The following HOMER2 variants were observed in gnomAD, a reference collection of about 807,000 sequenced individuals.
The protein encoded by HOMER2 is homer protein homolog 2.
HOMER2 carries 27 observed loss-of-function variants against 47.0 expected under a neutral mutation model. The observed-to-expected ratio is 0.57, with a 90% CI of 0.42 to 0.79. The LOEUF is 0.79. Among genes scored for constraint, HOMER2 ranks in the 30% least tolerant of loss-of-function variants. The pLI is 0.00. For missense variants in HOMER2, 443 were observed against 435.0 expected (o/e 1.02, Z -0.16); for synonymous variants, 161 against 163.8 (o/e 0.98, Z 0.13).
intron 1 of HOMER2, among the ~76,000 whole-genome samples, chr15:82,940,872 A>G (rs976738452): frequency 6.6e-6 from 1 of 151,722 alleles, no homozygotes; most frequent in African/African-American, 2.4e-5. Flanking sequence ...GTACTCCCTG[A>G]GTGACAGAGC....
At chr15:82,910,178 A>G (rs971565948) in intron 1 of HOMER2, among the ~76,000 whole-genome samples, 1 of 148,070 alleles carries the variant, frequency 6.8e-6, no homozygotes, top group Non-Finnish European at 1.5e-5. Flanking sequence ...TTGTTTCCCT[A>G]CCTTTACTGA....
Position 82,952,516 on chromosome 15 carries a change from C to G in HOMER2, c.5+15G>C. The G allele has an allele frequency of 8.4e-7, 1 of 1,189,080 alleles. No homozygotes were observed. The highest frequency in any genetic ancestry group is 1.0e-6 in the Non-Finnish European group (1 of 959,896). 73.7% of individuals were successfully genotyped at this position (1,189,080 alleles called of 1,614,324 possible). On this transcript the variant is annotated intron_variant, in intron 1 of 8. Transcript: ENST00000450735. Reference sequence around the variant, plus strand: ...GGAGGGGCGCGCGGAGAGCGCGCGGCGCGGGCTCACTCACCCCATCTCCGG... The same window carrying G: ...GGAGGGGCGCGCGGAGAGCGCGCGGGGCGGGCTCACTCACCCCATCTCCGG...
intron 2 of HOMER2, among the ~76,000 whole-genome samples, chr15:82,879,865 C>T (rs2052466892): frequency 1.3e-5 from 2 of 152,056 alleles, no homozygotes; most frequent in African/African-American, 4.8e-5. Context: ...ATGTCCACTA[C>T]CAACAGAATG....
chr15:82,862,665 A>G (rs2051831418), intron 4 of HOMER2, among the ~76,000 whole-genome samples: 1 of 152,220 alleles, frequency 6.6e-6, no homozygotes, highest in African/African-American at 2.4e-5. Flanking sequence ...TCACTGAATC[A>G]TATTAAAGAT....
At chr15:82,867,995 GCCTC>G (rs1005068552) in intron 3 of HOMER2, among the ~76,000 whole-genome samples, 5 of 151,870 alleles carry the variant, frequency 3.3e-5, no homozygotes, top group African/African-American at 9.7e-5. Context: ...GTGAAAAATC[GCCTC>G]CCTCCAAGTC....
intron 3 of HOMER2, among the ~76,000 whole-genome samples, chr15:82,868,520 A>ATT (rs1274711731): frequency 0.012 from 250 of 21,108 alleles, 2 homozygotes; most frequent in Middle Eastern, 0.018. Flanking sequence ...TCACTTATTT[A>ATT]TTTTATATAT....
chr15:82,980,577 C>T (rs974733513), intron 1 of HOMER2, among the ~76,000 whole-genome samples: 6 of 152,052 alleles, frequency 3.9e-5, no homozygotes, highest in Non-Finnish European at 8.8e-5. Context: ...CTTTGTTTTT[C>T]GGAGCCTCTC....
intron 2 of HOMER2, among the ~76,000 whole-genome samples, chr15:82,879,029 C>A (rs1454310911): frequency 6.6e-6 from 1 of 152,232 alleles, no homozygotes; most frequent in Admixed American, 6.5e-5. Context: ...GGTCACTAAT[C>A]CTGGCCACTG....
rs552241668 is a variant in HOMER2 at position 82,884,660 on chromosome 15, TG to T, written c.162+8024del. ...GGTATTTTATTCTCTTTGAAGCAAT[TG>T]TGAATGGGAGTTCACCCATGATCTG... On this transcript the variant is annotated intron_variant, in intron 2 of 8. Coordinates refer to ENST00000450735, the MANE Select transcript of HOMER2 (RefSeq NM_004839.4). Among the ~76,000 whole-genome samples the T allele has an allele frequency of 6.0e-4, 46 of 76,532 alleles. 9 individuals are homozygous for T. In the South Asian group the frequency reaches 0.018, roughly 30 times the overall value. 50.2% of individuals were successfully genotyped at this position (76,532 alleles called of 152,430 possible).
intron 4 of HOMER2, among the ~76,000 whole-genome samples, chr15:82,860,952 A>AG (rs56193557): frequency 0.022 from 2,327 of 104,458 alleles, 160 homozygotes; most frequent in East Asian, 0.12. Flanking sequence ...TAGAAGATAG[A>AG]AGATGAGAGA....
intron 1 of HOMER2, among the ~76,000 whole-genome samples, chr15:82,893,552 C>G (rs1289385735): frequency 6.6e-6 from 1 of 151,150 alleles, no homozygotes; most frequent in Admixed American, 6.6e-5. Context: ...GGGCTGGTCT[C>G]GAACTCCTGA....
intron 1 of HOMER2, among the ~76,000 whole-genome samples, chr15:82,894,840 A>T (rs2052854726): frequency 6.6e-6 from 1 of 151,876 alleles, no homozygotes; most frequent in African/African-American, 2.4e-5. Context: ...AAAAAAAATC[A>T]AAGAGAAAAG....
intron 1 of HOMER2, among the ~76,000 whole-genome samples, chr15:82,898,800 A>G (rs745934486): frequency 7.2e-5 from 11 of 152,258 alleles, no homozygotes; most frequent in Non-Finnish European, 1.2e-4. Context: ...GTTTTAACTT[A>G]TAATTCTTCA....
At chr15:82,977,360 G>C (rs1025755802) in intron 1 of HOMER2, among the ~76,000 whole-genome samples, 1 of 152,222 alleles carries the variant, frequency 6.6e-6, no homozygotes, top group East Asian at 1.9e-4. Context: ...ATACAGTTTT[G>C]TTAATTTTCC....
chr15:82,866,599 T>C (rs753033742), intron 3 of HOMER2, among the ~76,000 whole-genome samples: 1 of 152,230 alleles, frequency 6.6e-6, no homozygotes, highest in Non-Finnish European at 1.5e-5. Flanking sequence ...TCTTGAATTG[T>C]AACTCCCACA....
chr15:82,855,240 C>A (rs940733741), intron 5 of HOMER2, among the ~76,000 whole-genome samples: 1 of 140,140 alleles, frequency 7.1e-6, no homozygotes, highest in Non-Finnish European at 1.5e-5. Context: ...GCAGAAGAAT[C>A]GCTTGAACCC....
chr15:82,962,146 G>A (rs1306508390), intron 1 of HOMER2, among the ~76,000 whole-genome samples: 4 of 151,652 alleles, frequency 2.6e-5, no homozygotes, highest in East Asian at 4.0e-4. Context: ...CGAGGCGGGC[G>A]GATCACGAGG....
At chr15:82,842,480 T>TC (rs1218084014) in exon 2 of HOMER2, 21 of 144,484 alleles carry the variant, frequency 1.5e-4, no homozygotes, top group African/African-American at 5.4e-4. Context: ...TTTTTTTTTT[T>TC]TTTTTGTATT....
At chr15:82,872,779 A>G (rs2052220702) in intron 3 of HOMER2, among the ~76,000 whole-genome samples, 1 of 152,216 alleles carries the variant, frequency 6.6e-6, no homozygotes, top group Non-Finnish European at 1.5e-5. Flanking sequence ...ATGGTGCCAC[A>G]TGCACAGCAG....
Sources: allele counts gnomAD v4.1 joint callset (sites outside exome capture counted in the v4.1 genomes callset), GRCh38; gene constraint gnomAD v4.1.1; transcripts MANE v1.5; gene names NCBI Gene and HGNC (gene_info 2026-07-23, HGNC 2026-07-21).